APBA2: variants seen among roughly 807,000 people sequenced by gnomAD.
APBA2 encodes amyloid beta precursor protein binding family A member 2, also known as amyloid-beta A4 precursor protein-binding family A member 2.
Under a neutral mutation model 75.0 loss-of-function variants are expected in APBA2, and 30 were observed. The observed-to-expected ratio is 0.40, with a 90% confidence interval of 0.30 to 0.54. APBA2 has a LOEUF of 0.54. Ranked by LOEUF, APBA2 falls within the 20% of genes least tolerant of loss-of-function variation. The probability of loss-of-function intolerance (pLI) is 0.49; values close to 1 mark genes in which losing one functional copy is unlikely to be tolerated. For missense variants in APBA2, 801 were observed against 1,016.1 expected, an observed-to-expected ratio of 0.79 and a Z score of 2.88; for synonymous variants, 444 against 409.6, an observed-to-expected ratio of 1.08 and a Z score of -1.01.
intron 5 of APBA2, 120 bp downstream of exon 5, chr15:29,075,121 G>A: frequency 2.4e-6 from 2 of 827,538 alleles, no homozygotes; most frequent in South Asian, 1.4e-5. Flanking sequence ...GGTGCCTGGG[G>A]GAGAGGGAGT....
chr15:29,048,599 T>C (rs904044951), intron 3 of APBA2, among the ~76,000 whole-genome samples: 2 of 152,138 alleles, frequency 1.3e-5, no homozygotes, highest in African/African-American at 4.8e-5. Context: ...AGAAATGATG[T>C]AGACTAGAAA....
Position 28,901,159 on chromosome 15 carries a change from C to T in APBA2, c.-205+14881C>T, listed in dbSNP as rs183271100. 1.5e-3 allele frequency among the ~76,000 whole-genome samples: 226 copies of T among 152,336 alleles called. 1 individual carries two copies. Among genetic ancestry groups the T allele is most frequent in the African/African-American group, 5.2e-3 (215 of 41,588 alleles). On this transcript the variant is annotated intron_variant, in intron 1 of 14. Coordinates refer to ENST00000683413, the MANE Select transcript of APBA2 (RefSeq NM_001353788.2). ...CTAGAACCTCAGAAAGATTTTGTGT[C>T]TTCAGCCATACTGCAGGCACGCTTG...
chr15:29,099,816 A>G (rs902551927), intron 9 of APBA2, among the ~76,000 whole-genome samples: 10 of 152,238 alleles, frequency 6.6e-5, no homozygotes, highest in Admixed American at 5.2e-4. Context: ...CATGAGCTGT[A>G]TAGCCTTAAA....
chr15:29,105,570 C>A lies in APBA2; in HGVS notation c.1704+12C>A. ...AGAACTGCAAGGAGGTAAGCCACAC[C>A]CACCAGCCTCAGGGAGGCCACATTT... On this transcript the variant is annotated intron_variant, in intron 11 of 14. Transcript: ENST00000683413. 6.2e-7 allele frequency: 1 copy of A among 1,612,754 alleles called. No individual in the cohort carries two copies.
intron 6 of APBA2, among the ~76,000 whole-genome samples, chr15:29,079,517 C>T (rs2042994637): frequency 1.3e-5 from 2 of 152,194 alleles, no homozygotes; most frequent in Non-Finnish European, 2.9e-5. Flanking sequence ...TGACCAGCCT[C>T]TCAGATGTTA....
chr15:28,962,059 G>GT (rs1230480704), intron 2 of APBA2, among the ~76,000 whole-genome samples: 2 of 152,050 alleles, frequency 1.3e-5, no homozygotes, highest in Non-Finnish European at 2.9e-5. Context: ...TCCAAAGGTG[G>GT]TTTTTTAAAA....
At chr15:28,975,496 A>G (rs2037289907) in intron 2 of APBA2, among the ~76,000 whole-genome samples, 1 of 152,222 alleles carries the variant, frequency 6.6e-6, no homozygotes, top group Admixed American at 6.5e-5. Flanking sequence ...ATCATCTACA[A>G]GCATACATTT....
intron 1 of APBA2, among the ~76,000 whole-genome samples, chr15:28,908,830 A>G (rs1292927187): frequency 1.3e-5 from 2 of 152,208 alleles, no homozygotes; most frequent in Non-Finnish European, 2.9e-5. Context: ...TTTTAAGTAT[A>G]TGATTCTATG....
At chr15:28,937,315 C>G (rs2034934296) in intron 2 of APBA2, among the ~76,000 whole-genome samples, 1 of 152,158 alleles carries the variant, frequency 6.6e-6, no homozygotes, top group Non-Finnish European at 1.5e-5. Flanking sequence ...AGGGCAATAT[C>G]TAAGGATGTA....
chr15:28,886,356 A>C (rs1271534384), intron 1 of APBA2, 78 bp downstream of exon 1: 2 of 151,382 alleles, frequency 1.3e-5, no homozygotes, highest in African/African-American at 2.4e-5. Context: ...GAGGACCCGG[A>C]CGCGTGGGGG....
intron 3 of APBA2, among the ~76,000 whole-genome samples, chr15:29,040,383 G>A (rs12443349): frequency 0.36 from 55,379 of 152,194 alleles, 16,779 homozygotes; most frequent in African/African-American, 0.8. Flanking sequence ...TGGTAGTAGC[G>A]GAATATGGAA....
intron 2 of APBA2, among the ~76,000 whole-genome samples, chr15:28,953,320 A>G (rs897835988): frequency 1.3e-5 from 2 of 152,142 alleles, no homozygotes; most frequent in Admixed American, 6.5e-5. Flanking sequence ...CCTGTGGTCC[A>G]TGGGATCTTG....
chr15:28,983,601 C>G (rs1207877507), intron 2 of APBA2, among the ~76,000 whole-genome samples: 1 of 152,210 alleles, frequency 6.6e-6, no homozygotes, highest in Admixed American at 6.5e-5. Flanking sequence ...ACAAGGTGGC[C>G]TCCAGGAGCG....
chr15:29,080,026 T>A (rs144348593), intron 6 of APBA2, among the ~76,000 whole-genome samples: 243 of 152,218 alleles, frequency 1.6e-3, no homozygotes, highest in Middle Eastern at 6.8e-3. Flanking sequence ...GTCCCATGGC[T>A]GTGCGGGGGA....
In APBA2 at chr15:29,010,554, G is replaced by A. The variant is rs1217708762; in HGVS notation, c.-41+14748G>A. On this transcript the variant is annotated intron_variant, in intron 3 of 14. Transcript: ENST00000683413. ...ATTACAGGTGCGAGCCACCACACCC[G>A]GCCGGGAGTTCTTTATATAGTTAGT... is the stretch of plus-strand genomic sequence containing the variant. Among the ~76,000 whole-genome samples the A allele has an allele frequency of 2.6e-5, 4 of 152,226 alleles. 1 individual carries two copies. The South Asian group carries it at 6.2e-4, about 24-fold the overall frequency.
rs140304227 is a variant in APBA2 at position 28,951,661 on chromosome 15, T to A, written c.-95+29912T>A. Among the ~76,000 whole-genome samples, 286 of 152,238 alleles carry A rather than the reference T, an allele frequency of 1.9e-3. 1 individual carries two copies. Among genetic ancestry groups the A allele is most frequent in the African/African-American group, 6.7e-3 (278 of 41,558 alleles). On this transcript the variant is annotated intron_variant, in intron 2 of 14. Coordinates refer to ENST00000683413, the MANE Select transcript of APBA2 (RefSeq NM_001353788.2). The stretch of plus-strand genomic sequence containing the variant: ...GTGCAGTGGCACGATCTCCACTCAC[T>A]GCAACCTCCGCCTCCCAAATTCAAG...
rs1373092918 is a variant in APBA2, at chr15:28,886,154, G to A, written c.-329G>A. ...TATTCGGGAAGCTATTCAGCTTCCC[G>A]GGCTCATTAGCAGTCGCGGTGTGCG... On this transcript the variant is annotated 5_prime_UTR_variant, in exon 1 of 15. Coordinates refer to ENST00000683413, the MANE Select transcript of APBA2 (RefSeq NM_001353788.2). The A allele has an allele frequency of 6.6e-6, 1 of 150,594 alleles. No homozygotes were observed. Among genetic ancestry groups the A allele is most frequent in the Non-Finnish European group, 1.5e-5 (1 of 67,504 alleles). The allele number at this position is 150,594 out of a possible 1,614,324, so 9.3% of individuals were successfully genotyped here.
At chr15:29,096,203 A>C (rs1294074069) in intron 8 of APBA2, among the ~76,000 whole-genome samples, 5 of 152,172 alleles carry the variant, frequency 3.3e-5, no homozygotes, top group Non-Finnish European at 5.9e-5. Flanking sequence ...AGACATGCCG[A>C]GGCCCACCCT....
intron 11 of APBA2, among the ~76,000 whole-genome samples, 180 bp from the exon 12 acceptor site, chr15:29,106,427 C>T (rs1354325704): frequency 3.9e-5 from 1 of 25,650 alleles, no homozygotes; most frequent in Non-Finnish European, 7.2e-5. Context: ...TGGGGTGAGG[C>T]TGGGGGTGGG....
Sources: allele counts gnomAD v4.1 joint callset (sites outside exome capture counted in the v4.1 genomes callset), GRCh38; gene constraint gnomAD v4.1.1; transcripts MANE v1.5; gene names NCBI Gene and HGNC (gene_info 2026-07-23, HGNC 2026-07-21).